BRIP1: variants seen among roughly 807,000 people sequenced by gnomAD.
BRIP1 encodes the protein Fanconi anemia group J protein.
In BRIP1, 88 loss-of-function variants were observed where a neutral mutation model predicts 119.7. The observed-to-expected ratio is 0.74, with a 90% CI of 0.62 to 0.88. BRIP1 has a LOEUF of 0.88. Ranked by LOEUF, BRIP1 falls within the 40% of genes least tolerant of loss-of-function variation. BRIP1 has a pLI of 0.00. For missense variants in BRIP1, 1,259 were observed against 1,455.4 expected, an observed-to-expected ratio of 0.87 and a Z score of 2.20; for synonymous variants, 443 against 496.5, an observed-to-expected ratio of 0.89 and a Z score of 1.43.
rs2077871260 is a variant in BRIP1 at position 61,794,608 on chromosome 17, G to A, written c.1341-879C>T. Among the ~76,000 whole-genome samples, 1 of 150,782 alleles carries A rather than the reference G, an allele frequency of 6.6e-6. No homozygotes were observed. On this transcript the variant is annotated intron_variant, in intron 9 of 19. Coordinates refer to ENST00000259008, the MANE Select transcript of BRIP1 (RefSeq NM_032043.3). This position sits in a 1 kb window ranked among gnomAD's most constrained non-coding sequence, Gnocchi z 4.3. ...TTATAAGGCTTAATACCTGGGTGAT[G>A]AAATAATATGTACAACAAACCCCCA...
In BRIP1 at chr17:61,824,907, A is replaced by T. The variant is rs2078381399; in HGVS notation, c.628-16150T>A. On this transcript the variant is annotated intron_variant, in intron 6 of 19. Coordinates refer to ENST00000259008, the MANE Select transcript of BRIP1 (RefSeq NM_032043.3). The surrounding 1 kb of genome is among the most constrained non-coding windows in gnomAD (Gnocchi z 4.3). ...CTTCCACCAACTCAACAACGACAAA[A>T]GCAATCCAATTCCAAAATGGACAAA... Among the ~76,000 whole-genome samples, 2 of 152,334 alleles carry T rather than the reference A, an allele frequency of 1.3e-5. No individual in the cohort carries two copies. Among genetic ancestry groups the T allele is most frequent in the South Asian group, 4.1e-4 (2 of 4,826 alleles).
rs2077402374 is a variant in BRIP1, at chr17:61,768,485, T to C, written c.2097+7916A>G. Among the ~76,000 whole-genome samples, 1 of 152,234 alleles carries C rather than the reference T, an allele frequency of 6.6e-6. No individual in the cohort carries two copies. On this transcript the variant is annotated intron_variant, in intron 14 of 19. Transcript: ENST00000259008. This position sits in a 1 kb window ranked among gnomAD's most constrained non-coding sequence, Gnocchi z 5.0. ...AAGAGTTAGTCTCCATCCATTCGTGTGTTTATTCATCAAGCATTTATGGAA... is the reference window on the plus strand; with the variant it reads ...AAGAGTTAGTCTCCATCCATTCGTGCGTTTATTCATCAAGCATTTATGGAA...
At chr17:61,820,366 G>T (rs1239150492) in intron 6 of BRIP1, among the ~76,000 whole-genome samples, 1 of 152,102 alleles carries the variant, frequency 6.6e-6, no homozygotes, top group Non-Finnish European at 1.5e-5. Flanking sequence ...GTTTTGAATG[G>T]CTACACAGAG....
Position 61,847,173 on chromosome 17 carries a change from T to G in BRIP1, c.555A>C (p.Ala185=), listed in dbSNP as rs778116059. Residue 185 remains alanine (A), a synonymous_variant, in exon 6 of 20, where the codon GCA becomes GCC. Coordinates refer to ENST00000259008, the MANE Select transcript of BRIP1 (RefSeq NM_032043.3). ...CFGTEVHNLD[A]KVDSGKTVKL... ...TTACAGTCTTTCCTGAATCAACTTT[T>G]GCATCCAAATTGTGTACTTCTGTTC... 1 of 1,613,714 alleles carries G rather than the reference T, an allele frequency of 6.2e-7. No individual in the cohort carries two copies. The highest frequency in any genetic ancestry group is 1.1e-5 in the South Asian group (1 of 91,080).
At chr17:61,812,182 G>A (rs531144771) in intron 6 of BRIP1, among the ~76,000 whole-genome samples, 1 of 152,074 alleles carries the variant, frequency 6.6e-6, no homozygotes, top group African/African-American at 2.4e-5. Context: ...ATACTTTATG[G>A]CCTCTCTCTG....
At chr17:61,791,180 A>G (rs1338916759) in intron 10 of BRIP1, among the ~76,000 whole-genome samples, 3 of 152,094 alleles carry the variant, frequency 2.0e-5, no homozygotes, top group Non-Finnish European at 4.4e-5. Context: ...AAATAACATC[A>G]GCAAGATGGA....
chr17:61,855,982 C>T (rs919849708), intron 4 of BRIP1, among the ~76,000 whole-genome samples: 11 of 151,856 alleles, frequency 7.2e-5, no homozygotes, highest in African/African-American at 2.7e-4. Context: ...TGATGGATAC[C>T]CCAAGGAAGT....
rs796410731 is a variant in BRIP1 at position 61,806,195 on chromosome 17, T to C, written c.918+2272A>G. Reference sequence around the variant, plus strand: ...CACAACCCTGAGGAAGTCTGTCAATTGAAGTGTTATCACACTTTAAACACT... The same window carrying C: ...CACAACCCTGAGGAAGTCTGTCAATCGAAGTGTTATCACACTTTAAACACT... On this transcript the variant is annotated intron_variant, in intron 7 of 19. Transcript: ENST00000259008. This position sits in a 1 kb window ranked among gnomAD's most constrained non-coding sequence, Gnocchi z 4.9. Among the ~76,000 whole-genome samples, 31 of 152,334 alleles carry C rather than the reference T, an allele frequency of 2.0e-4. No homozygotes were observed. Among genetic ancestry groups the C allele is most frequent in the African/African-American group, 7.2e-4 (30 of 41,574 alleles).
rs76476880 is a variant in BRIP1 at position 61,749,961 on chromosome 17, C to T, written c.2098-5370G>A. Among the ~76,000 whole-genome samples, 479 of 152,280 alleles carry T rather than the reference C, an allele frequency of 3.1e-3. 1 individual carries two copies. Among genetic ancestry groups the T allele is most frequent in the African/African-American group, 0.011 (460 of 41,558 alleles). The stretch of plus-strand genomic sequence containing the variant: ...AAAATAAGATCTTTAGGAAAGATCA[C>T]GTCTGTAAATAAGGACAATTTTACT... On this transcript the variant is annotated intron_variant, in intron 14 of 19. Coordinates refer to ENST00000259008, the MANE Select transcript of BRIP1 (RefSeq NM_032043.3).
Position 61,853,517 on chromosome 17 carries a change from A to G in BRIP1, c.379+3541T>C, listed in dbSNP as rs192761308. Among the ~76,000 whole-genome samples the G allele has an allele frequency of 6.6e-6, 1 of 152,358 alleles. No individual in the cohort carries two copies. The highest frequency in any genetic ancestry group is 6.5e-5 in the Admixed American group (1 of 15,304). On this transcript the variant is annotated intron_variant, in intron 4 of 19. Transcript: ENST00000259008. This position sits in a 1 kb window ranked among gnomAD's most constrained non-coding sequence, Gnocchi z 4.3. ...TTACAAATATAAAGAGCGTATCAGA[A>G]TACAACCTTGATTTTTCCCATTTAG... is the stretch of plus-strand genomic sequence containing the variant.
At chr17:61,812,619 G>C (rs147514929) in intron 6 of BRIP1, among the ~76,000 whole-genome samples, 2 of 150,816 alleles carry the variant, frequency 1.3e-5, no homozygotes, top group South Asian at 4.2e-4. Flanking sequence ...AAAAAAACAG[G>C]AGATACATGT....
rs1476630592 is a variant in BRIP1 at position 61,832,200 on chromosome 17, C to G, written c.627+14901G>C. Among the ~76,000 whole-genome samples, 2 of 152,100 alleles carry G rather than the reference C, an allele frequency of 1.3e-5. No individual in the cohort carries two copies. The highest frequency in any genetic ancestry group is 2.9e-5 in the Non-Finnish European group (2 of 68,010). On this transcript the variant is annotated intron_variant, in intron 6 of 19. Transcript: ENST00000259008. This position sits in a 1 kb window ranked among gnomAD's most constrained non-coding sequence, Gnocchi z 5.5. Reference sequence around the variant, plus strand: ...TATCTTTTGCCAAAAAATAAGGAAGCGTTCCAAGAATGATTGATATATGTC... The same window carrying G: ...TATCTTTTGCCAAAAAATAAGGAAGGGTTCCAAGAATGATTGATATATGTC...
rs765545033 is a variant in BRIP1, at chr17:61,683,318, C to A, written c.3728G>T (p.Gly1243Val). Reference sequence around the variant, plus strand: ...TTATTACTTAAAACCAGGAAACATGCCTTTATTTTTGGAAGGAGATGGTTT... The same window carrying A: ...TTATTACTTAAAACCAGGAAACATGACTTTATTTTTGGAAGGAGATGGTTT... ...NFKPSPSKNKGMFPGFK is the reference protein window; with the variant it reads ...NFKPSPSKNKVMFPGFK The change falls in exon 20 of 20, where the codon GGC becomes GTC. Residue 1243 changes from glycine to valine, a missense_variant. Physicochemically the swap from Gly to Val is moderately radical, Grantham distance 109 (BLOSUM62 -3). This residue lies in a region of BRIP1 where 753 missense variants were observed against 891.8 expected (regional missense o/e 0.84). Coordinates refer to ENST00000259008, the MANE Select transcript of BRIP1 (RefSeq NM_032043.3). The surrounding 1 kb of genome is among the most constrained non-coding windows in gnomAD (Gnocchi z 4.7). The A allele has an allele frequency of 6.2e-7, 1 of 1,609,928 alleles. No homozygotes were observed. The highest frequency in any genetic ancestry group is 8.5e-7 in the Non-Finnish European group (1 of 1,176,976).
rs547949115 is a variant in BRIP1 at position 61,740,245 on chromosome 17, C to T, written c.2379+2768G>A. On this transcript the variant is annotated intron_variant, in intron 16 of 19. Transcript: ENST00000259008. The surrounding 1 kb of genome is among the most constrained non-coding windows in gnomAD (Gnocchi z 5.4). ...TGCAAGGCAGGACACTGGAAAGAAGCGAGCCAGATGGACAAAAGACCCCAG... is the reference window on the plus strand; with the variant it reads ...TGCAAGGCAGGACACTGGAAAGAAGTGAGCCAGATGGACAAAAGACCCCAG... 1.3e-5 allele frequency among the ~76,000 whole-genome samples: 2 copies of T among 152,066 alleles called. No individual in the cohort carries two copies. The highest frequency in any genetic ancestry group is 6.6e-5 in the Admixed American group (1 of 15,248).
rs1357294591 is a variant in BRIP1 at position 61,794,419 on chromosome 17, T to C, written c.1341-690A>G. 2.0e-5 allele frequency among the ~76,000 whole-genome samples: 3 copies of C among 152,038 alleles called. No homozygotes were observed. The highest frequency in any genetic ancestry group is 6.6e-5 in the Admixed American group (1 of 15,246). ...AACATAGATGGAGCTGGAGATCATA[T>C]CCTTAGCAAACTAATGCAGGAACAG... On this transcript the variant is annotated intron_variant, in intron 9 of 19. Transcript: ENST00000259008. The surrounding 1 kb of genome is among the most constrained non-coding windows in gnomAD (Gnocchi z 4.3).
At chr17:61,837,071 G>C (rs147408715) in intron 6 of BRIP1, among the ~76,000 whole-genome samples, 106 of 152,288 alleles carry the variant, frequency 7.0e-4, no homozygotes, top group Non-Finnish European at 1.2e-3. Flanking sequence ...TATAAAGATT[G>C]AGTTAAATTC....
In BRIP1 at chr17:61,799,056, C is replaced by T; in HGVS notation, c.1340+44G>A. The T allele has an allele frequency of 6.5e-7, 1 of 1,547,278 alleles. No homozygotes were observed. The highest frequency in any genetic ancestry group is 1.1e-5 in the South Asian group (1 of 89,606). ...CTCTGGCATAATCAAACATATTTTT[C>T]ATATAAAGGCAGCACAAATACACTA... On this transcript the variant is annotated intron_variant, in intron 9 of 19. Transcript: ENST00000259008. This position sits in a 1 kb window ranked among gnomAD's most constrained non-coding sequence, Gnocchi z 5.1.
intron 13 of BRIP1, among the ~76,000 whole-genome samples, chr17:61,777,723 A>G (rs2077556442): frequency 1.3e-5 from 2 of 151,998 alleles, no homozygotes; most frequent in Admixed American, 1.3e-4. Context: ...TCACCCTCCA[A>G]GTGTTCAGGA....
intron 4 of BRIP1, among the ~76,000 whole-genome samples, chr17:61,854,853 C>T (rs2078873520): frequency 6.6e-6 from 1 of 152,052 alleles, no homozygotes; most frequent in African/African-American, 2.4e-5. Flanking sequence ...TTGTAATAGC[C>T]CAGAACTAGC....
Sources: gnomAD v4.1 joint callset for allele counts (sites outside exome capture counted in the v4.1 genomes callset) on GRCh38, gnomAD v4.1.1 for gene constraint, gnomAD v4.1.1 regional missense constraint, Gnocchi (gnomAD v3.1) non-coding constraint, MANE v1.5 for transcripts, NCBI Gene and HGNC (gene_info 2026-07-23, HGNC 2026-07-21) for gene names.